Variants in TTN observed in about 807,000 individuals in gnomAD.
TTN encodes connectin.
In TTN, 1,525 loss-of-function variants were observed where a neutral mutation model predicts 3,223.0. That is an observed-to-expected ratio of 0.47 (90% CI 0.45 to 0.49). The LOEUF (loss-of-function observed/expected upper bound fraction) is 0.49, where lower values mean the gene tolerates loss of function less well. TTN is among the 20% of genes least tolerant of loss of function. The pLI is 0.00. For missense variants in TTN, 40,786 were observed against 43,424.0 expected (o/e 0.94, Z 5.40); for synonymous variants, 14,094 against 15,161.0 (o/e 0.93, Z 5.17).
chr2:178,639,917 A>G (rs2061004404), intron 222 of TTN, 129 bp from the exon 223 acceptor site: 4 of 1,436,588 alleles, frequency 2.8e-6, no homozygotes, highest in Admixed American at 2.2e-5. Context: ...AGAATAGTAT[A>G]TTAAGCATTT....
chr2:178,731,731 A>G lies in TTN; in HGVS notation c.17144T>C (p.Val5715Ala), dbSNP rs1279938466. The change falls in exon 58 of 363, where the codon GTG becomes GCG. Residue 5715 changes from valine to alanine, a missense_variant. Coordinates refer to ENST00000589042, the MANE Select transcript of TTN (RefSeq NM_001267550.2). Reference protein sequence around the residue: ...GEYQCRVTNEVGSSICSARVT... With the variant: ...GEYQCRVTNEAGSSICSARVT... The stretch of plus-strand genomic sequence containing the variant: ...CCTGGCACTGCAGATGCTGCTGCCC[A>G]CCTCATTGGTCACCCGACACTGGTA... 1 of 1,613,420 alleles carries G rather than the reference A, an allele frequency of 6.2e-7. No individual in the cohort carries two copies. The highest frequency in any genetic ancestry group is 1.3e-5 in the African/African-American group (1 of 75,028).
At position 178,570,115 on chromosome 2, in the gene TTN, A is replaced by G. The variant is rs1057523937; in HGVS notation, c.76017T>C (p.Tyr25339=). The G allele has an allele frequency of 1.4e-5, 22 of 1,613,474 alleles. No individual in the cohort carries two copies. In the East Asian group the frequency reaches 4.5e-4, roughly 33 times the overall value. Residue 25339 remains tyrosine (Y), a synonymous_variant, in exon 326 of 363, where the codon TAT becomes TAC. Coordinates refer to ENST00000589042, the MANE Select transcript of TTN (RefSeq NM_001267550.2). ...ASDGGSEILG[Y]VLEKRDKEGI... Reference sequence around the variant, plus strand: ...CTTCTTTATCCCGTTTCTCAAGAACATATCCAAGAATTTCACTACCACCAT... The same window carrying G: ...CTTCTTTATCCCGTTTCTCAAGAACGTATCCAAGAATTTCACTACCACCAT...
At position 178,614,256 on chromosome 2, in the gene TTN, A is replaced by T; in HGVS notation, c.49141T>A (p.Ser16381Thr). The T allele has an allele frequency of 6.2e-7, 1 of 1,612,552 alleles. No homozygotes were observed. Among genetic ancestry groups the T allele is most frequent in the Non-Finnish European group, 8.5e-7 (1 of 1,179,256 alleles). The stretch of plus-strand genomic sequence containing the variant: ...TCCACAACATAGTTTGTGATCTTAG[A>T]TCCACCATCATCGCGTGGTGGGTTC... ...TWNPPRDDGG[S>T]KITNYVVERR... is the part of the protein sequence containing the mutation. Residue 16381 changes from serine to threonine, a missense_variant, in exon 262 of 363, where the codon TCT (serine) becomes ACT (threonine). Transcript: ENST00000589042.
At chr2:178,641,398 C>A in intron 219 of TTN, 83 bp from the exon 220 acceptor site, 2 of 818,148 alleles carry the variant, frequency 2.4e-6, no homozygotes, top group South Asian at 1.8e-5. Flanking sequence ...AAATAATGTA[C>A]AAAGCAAGGA....
rs1297535477 is a variant in TTN at position 178,776,844 on chromosome 2, C to A, written c.5020G>T (p.Ala1674Ser). Residue 1674 changes from alanine (A) to serine (S), a missense_variant, in exon 28 of 363, where the codon GCC becomes TCC. Coordinates refer to ENST00000589042, the MANE Select transcript of TTN (RefSeq NM_001267550.2). ...RGTYRAKEIA[A>S]PELEPLHLRY... Reference sequence around the variant, plus strand: ...AAATGGAGGGGCTCCAGTTCTGGGGCTGCAATCTCCTTTGCTCTATATGTC... The same window carrying A: ...AAATGGAGGGGCTCCAGTTCTGGGGATGCAATCTCCTTTGCTCTATATGTC... 1.2e-6 allele frequency: 2 copies of A among 1,613,960 alleles called. No homozygotes were observed. The highest frequency in any genetic ancestry group is 1.1e-5 in the South Asian group (1 of 91,080).
intron 15 of TTN, among the ~76,000 whole-genome samples, chr2:178,785,159 C>A (rs1486481706): frequency 1.3e-5 from 2 of 152,084 alleles, no homozygotes; most frequent in East Asian, 3.9e-4. Context: ...CCATACAGTA[C>A]CACCTCTCCA....
At position 178,538,603 on chromosome 2, in the gene TTN, C is replaced by T. The variant is rs1281110554; in HGVS notation, c.99226G>A (p.Glu33076Lys). The T allele has an allele frequency of 1.2e-6, 2 of 1,613,606 alleles. No individual in the cohort carries two copies. The highest frequency in any genetic ancestry group is 1.1e-5 in the South Asian group (1 of 91,072). Residue 33076 changes from glutamate to lysine, a missense_variant, in exon 354 of 363, where the codon GAG becomes AAG. Physicochemically the swap from Glu to Lys is moderately conservative, Grantham distance 56. Coordinates refer to ENST00000589042, the MANE Select transcript of TTN (RefSeq NM_001267550.2). ...GGTCTGCTCAGCCCAGTCTCATTCTCAGCAAAAACCCTGAATTCATACTCA... is the reference window on the plus strand; with the variant it reads ...GGTCTGCTCAGCCCAGTCTCATTCTTAGCAAAAACCCTGAATTCATACTCA... Reference protein sequence around the residue: ...ATEYEFRVFAENETGLSRPRR... With the variant: ...ATEYEFRVFAKNETGLSRPRR...
chr2:178,749,685 C>A (rs559882319), intron 47 of TTN: 1 of 1,612,928 alleles, frequency 6.2e-7, no homozygotes, highest in Middle Eastern at 1.7e-4. Flanking sequence ...CTTTCAACTG[C>A]CCCTGAATTG....
rs772875882 is a variant in TTN, at chr2:178,552,370, A to C, written c.90530T>G (p.Phe30177Cys). 5 of 1,593,538 alleles carry C rather than the reference A, an allele frequency of 3.1e-6. No homozygotes were observed. In the East Asian group the frequency reaches 1.1e-4, roughly 36 times the overall value. The stretch of plus-strand genomic sequence containing the variant: ...GTTTTCAGTTTTACTGAAGCGAACA[A>C]ATTCACTTTCTTTCAGTGGCAAGCC... Reference protein sequence around the residue: ...KDGLPLKESEFVRFSKTENKI... With the variant: ...KDGLPLKESECVRFSKTENKI... Residue 30177 changes from phenylalanine to cysteine, a missense_variant, in exon 335 of 363, where the codon TTT (phenylalanine) becomes TGT (cysteine). Coordinates refer to ENST00000589042, the MANE Select transcript of TTN (RefSeq NM_001267550.2).
rs777680772 is a variant in TTN, at chr2:178,720,398, A to G, written c.23364T>C (p.Ser7788=). The G allele has an allele frequency of 2.5e-6, 4 of 1,612,016 alleles. No individual in the cohort carries two copies. Among genetic ancestry groups the G allele is most frequent in the South Asian group, 1.1e-5 (1 of 90,772 alleles). The part of the protein sequence containing the change: ...NEVGSDTCSC[S]VKFKEPPRFV... ...ATGTATACAAACCTTTGAACTTGAC[A>G]GAGCAAGAACACGTGTCACTTCCCA... is the stretch of plus-strand genomic sequence containing the variant. Residue 7788 remains serine (S), a synonymous_variant, in exon 80 of 363, where the codon TCT becomes TCC. Coordinates refer to ENST00000589042, the MANE Select transcript of TTN (RefSeq NM_001267550.2).
In TTN at chr2:178,651,444, C is replaced by A. The variant is rs1346433856; in HGVS notation, c.39547+9G>T. On this transcript the variant is annotated intron_variant, in intron 207 of 362. Transcript: ENST00000589042. ...CCGCCCCCATCAAACAGTGGACAGCCACATATACCTTTAGCAGGTGGGGCT... is the reference window on the plus strand; with the variant it reads ...CCGCCCCCATCAAACAGTGGACAGCAACATATACCTTTAGCAGGTGGGGCT... 1 of 1,607,598 alleles carries A rather than the reference C, an allele frequency of 6.2e-7. No individual in the cohort carries two copies. Among genetic ancestry groups the A allele is most frequent in the Middle Eastern group, 1.7e-4 (1 of 5,998 alleles).
rs753360756 is a variant in TTN, at chr2:178,548,859, G to C, written c.92767C>G (p.Pro30923Ala). 1 of 1,613,540 alleles carries C rather than the reference G, an allele frequency of 6.2e-7. No individual in the cohort carries two copies. Among genetic ancestry groups the C allele is most frequent in the Non-Finnish European group, 8.5e-7 (1 of 1,179,802 alleles). Residue 30923 changes from proline (P) to alanine (A), a missense_variant, in exon 339 of 363, where the codon CCT (proline) becomes GCT (alanine). Coordinates refer to ENST00000589042, the MANE Select transcript of TTN (RefSeq NM_001267550.2). The surrounding 1 kb of genome is among the most constrained non-coding windows in gnomAD (Gnocchi z 4.3). ...TIKAVDRLTA[P>A]ELDIDANFKQ... ...AAGTTTGCATCTATGTCTAACTCAG[G>C]AGCTGTTAACCGGTCAACTGCTTTA...
chr2:178,790,819 A>T lies in TTN; in HGVS notation c.1689T>A (p.Ala563=), dbSNP rs1407290170. The T allele has an allele frequency of 1.2e-6, 2 of 1,614,154 alleles. No homozygotes were observed. The highest frequency in any genetic ancestry group is 1.7e-5 in the Admixed American group (1 of 60,026). Residue 563 remains alanine, a synonymous_variant, in exon 11 of 363, where the codon GCT becomes GCA. Coordinates refer to ENST00000589042, the MANE Select transcript of TTN (RefSeq NM_001267550.2). ...EAIRQETEIT[A]ASMVVVATAK... Reference sequence around the variant, plus strand: ...CAGTGGCAACTACCACCATGGATGCAGCAGTTATCTCAGTTTCCTGTCTTA... The same window carrying T: ...CAGTGGCAACTACCACCATGGATGCTGCAGTTATCTCAGTTTCCTGTCTTA...
At position 178,540,448 on chromosome 2, in the gene TTN, T is replaced by C. The variant is rs192702368; in HGVS notation, c.97796-78A>G. The C allele has an allele frequency of 2.3e-4, 277 of 1,207,820 alleles. No homozygotes were observed. In the African/African-American group the frequency reaches 3.9e-3, roughly 17 times the overall value. 74.8% of individuals were successfully genotyped at this position (1,207,820 alleles called of 1,614,324 possible). On this transcript the variant is annotated intron_variant, in intron 350 of 362. Transcript: ENST00000589042. ...TAGCTGTGCCACCTAACAAATTCAA[T>C]GAGTTGTTGAAACGGACTGTTAACA...
At chr2:178,805,906 T>C (rs1474306514) in intron 1 of TTN, among the ~76,000 whole-genome samples, 2 of 152,210 alleles carry the variant, frequency 1.3e-5, no homozygotes, top group Non-Finnish European at 2.9e-5. Context: ...AGAAAGTACT[T>C]TGCCTATCAG....
At chr2:178,722,584 T>C (rs1259266467) in intron 76 of TTN, 38 bp from the exon 77 acceptor site, 4 of 1,591,670 alleles carry the variant, frequency 2.5e-6, no homozygotes, top group South Asian at 1.1e-5. Context: ...TGTTAGGAGA[T>C]GAAATGAGAA....
chr2:178,798,607 A>C (rs2154358024), intron 6 of TTN: 1 of 152,316 alleles, frequency 6.6e-6, no homozygotes, highest in South Asian at 2.1e-4. Flanking sequence ...CCCAAAATGC[A>C]GCTTGAGATC....
Position 178,802,357 on chromosome 2 carries a change from A to G in TTN, c.92-16T>C. ...ACTGGAAAACCTGAAGAGCAAGAAC[A>G]ATTCACCTTTATGTTTGAATGGGCA... On this transcript the variant is annotated splice_polypyrimidine_tract_variant and intron_variant, in intron 2 of 362. Transcript: ENST00000589042. 6.2e-7 allele frequency: 1 copy of G among 1,610,834 alleles called. No homozygotes were observed. The highest frequency in any genetic ancestry group is 8.5e-7 in the Non-Finnish European group (1 of 1,178,240).
Position 178,663,852 on chromosome 2 carries a change from G to T in TTN, c.36415C>A (p.Pro12139Thr), listed in dbSNP as rs771436910. ...GGTGGGACTTCAGGCTCTTTAGGAGGAGCCAAGGGCACTTTCTCTTCGCGG... is the reference window on the plus strand; with the variant it reads ...GGTGGGACTTCAGGCTCTTTAGGAGTAGCCAAGGGCACTTTCTCTTCGCGG... ...VIREEKVPLAPPKEPEVPPVK... is the reference protein window; with the variant it reads ...VIREEKVPLATPKEPEVPPVK... Residue 12139 changes from proline (P) to threonine (T), a missense_variant, in exon 170 of 363, where the codon CCT becomes ACT. By Grantham distance (38) the Pro-to-Thr change is conservative (BLOSUM62 -1). Coordinates refer to ENST00000589042, the MANE Select transcript of TTN (RefSeq NM_001267550.2). 6.2e-7 allele frequency: 1 copy of T among 1,613,418 alleles called. No individual in the cohort carries two copies. The highest frequency in any genetic ancestry group is 1.7e-5 in the Admixed American group (1 of 59,992).
Sources: allele counts gnomAD v4.1 joint callset (sites outside exome capture counted in the v4.1 genomes callset), GRCh38; gene constraint gnomAD v4.1.1; non-coding constraint Gnocchi (gnomAD v3.1); transcripts MANE v1.5; gene names NCBI Gene and HGNC (gene_info 2026-07-23, HGNC 2026-07-21).